PAG1: variants seen among roughly 807,000 people sequenced by gnomAD.
PAG1 encodes the protein phosphoprotein membrane anchor with glycosphingolipid microdomains 1.
PAG1 carries 23 observed loss-of-function variants against 31.7 expected under a neutral mutation model. The observed-to-expected ratio is 0.73, with a 90% CI of 0.52 to 1.03. The LOEUF is 1.03. PAG1 is among the 50% of genes least tolerant of loss of function. PAG1 has a pLI of 0.00. For synonymous variants in PAG1, 214 were observed against 210.3 expected, an observed-to-expected ratio of 1.02 and a Z score of -0.15; for missense variants, 473 against 540.7, an observed-to-expected ratio of 0.87 and a Z score of 1.24.
At position 80,968,018 on chromosome 8, in the gene PAG1, C is replaced by T. The variant is rs886468660; in HGVS notation, c.*8526G>A. The stretch of plus-strand genomic sequence containing the variant: ...TTGAAATACTACTGGCAGAAACATA[C>T]GAAAACAAATACCCATTTCAGTTCC... On this transcript the variant is annotated 3_prime_UTR_variant, in exon 9 of 9. Coordinates refer to ENST00000220597, the MANE Select transcript of PAG1 (RefSeq NM_018440.4). The T allele has an allele frequency of 6.6e-6, 1 of 152,116 alleles. No individual in the cohort carries two copies. Among genetic ancestry groups the T allele is most frequent in the Non-Finnish European group, 1.5e-5 (1 of 68,014 alleles). 9.4% of individuals were successfully genotyped at this position (152,116 alleles called of 1,614,324 possible).
chr8:81,085,858 T>C (rs1237556198), intron 1 of PAG1, among the ~76,000 whole-genome samples: 1 of 152,218 alleles, frequency 6.6e-6, no homozygotes, highest in East Asian at 1.9e-4. Flanking sequence ...TTGAAGTCTT[T>C]GAATGCTTAA....
intron 2 of PAG1, chr8:81,039,520 G>C (rs1463633794): frequency 6.6e-6 from 1 of 152,230 alleles, no homozygotes; most frequent in Non-Finnish European, 1.5e-5. Flanking sequence ...CCGACGCTGG[G>C]ATCTCAGACT....
At chr8:80,979,363 G>A (rs542035811) in intron 8 of PAG1, among the ~76,000 whole-genome samples, 10 of 152,284 alleles carry the variant, frequency 6.6e-5, no homozygotes, top group Non-Finnish European at 1.5e-4. Context: ...AGGGAGGGGC[G>A]GCCGCAGTGG....
rs374578365 is a variant in PAG1 at position 81,009,508 on chromosome 8, G to T, written c.-80-16201C>A. Among the ~76,000 whole-genome samples the T allele has an allele frequency of 5.9e-5, 9 of 152,328 alleles. 1 individual carries two copies. The East Asian group carries it at 1.3e-3, about 23-fold the overall frequency. On this transcript the variant is annotated intron_variant, in intron 3 of 8. Transcript: ENST00000220597. ...AAAAATAATGAAGTATTACCCAGAT[G>T]ATAAGATATGAGATATAGAGACTAA...
At chr8:81,102,771 A>G (rs1297804365) in intron 1 of PAG1, among the ~76,000 whole-genome samples, 1 of 152,194 alleles carries the variant, frequency 6.6e-6, no homozygotes, top group Non-Finnish European at 1.5e-5. Context: ...ATCCTACATC[A>G]TTTTACATTG....
chr8:81,021,651 G>A (rs571845182), intron 3 of PAG1, among the ~76,000 whole-genome samples: 4 of 151,448 alleles, frequency 2.6e-5, no homozygotes, highest in South Asian at 2.1e-4. Context: ...CAATTCTCAC[G>A]TTCTCTAATG....
At chr8:80,989,139 T>C (rs528860121) in intron 5 of PAG1, among the ~76,000 whole-genome samples, 3 of 152,328 alleles carry the variant, frequency 2.0e-5, no homozygotes, top group Non-Finnish European at 2.9e-5. Flanking sequence ...AGATAGTTCA[T>C]GCTGTGCAAT....
intron 3 of PAG1, among the ~76,000 whole-genome samples, chr8:81,011,433 C>T (rs1452548120): frequency 6.6e-6 from 1 of 152,186 alleles, no homozygotes; most frequent in African/African-American, 2.4e-5. Context: ...GTAAGACATA[C>T]CTTTCACCTT....
chr8:81,077,216 A>G (rs557151631), intron 1 of PAG1, among the ~76,000 whole-genome samples: 2 of 152,342 alleles, frequency 1.3e-5, no homozygotes, highest in East Asian at 1.9e-4. Context: ...GATGTACATT[A>G]AAGTCTAAGA....
chr8:81,093,019 G>A (rs559774196), intron 1 of PAG1, among the ~76,000 whole-genome samples: 1 of 152,240 alleles, frequency 6.6e-6, no homozygotes, highest in South Asian at 2.1e-4. Flanking sequence ...CTTAATGTAC[G>A]ATACATATTA....
intron 1 of PAG1, among the ~76,000 whole-genome samples, chr8:81,099,450 C>T (rs1463849589): frequency 1.3e-5 from 2 of 152,152 alleles, no homozygotes; most frequent in Non-Finnish European, 2.9e-5. Flanking sequence ...TACTTCTTTG[C>T]TGCATGTTTC....
At chr8:81,102,078 A>C (rs900031097) in intron 1 of PAG1, among the ~76,000 whole-genome samples, 1 of 152,142 alleles carries the variant, frequency 6.6e-6, no homozygotes, top group Non-Finnish European at 1.5e-5. Context: ...TGAAATTGGG[A>C]TACATGAGGC....
chr8:81,075,799 G>A (rs954757751), intron 1 of PAG1, among the ~76,000 whole-genome samples: 5 of 152,128 alleles, frequency 3.3e-5, no homozygotes, highest in Admixed American at 1.3e-4. Flanking sequence ...AGCTCCCTCC[G>A]CTTTCCCGCA....
intron 7 of PAG1, 92 bp from the exon 8 acceptor site, chr8:80,980,586 C>T (rs557710900): frequency 3.5e-5 from 28 of 803,064 alleles, no homozygotes; most frequent in Non-Finnish European, 5.2e-5. Context: ...TGTCTAGCAA[C>T]GTTTTCAAAT....
intron 2 of PAG1, among the ~76,000 whole-genome samples, chr8:81,055,359 T>A (rs1216728202): frequency 6.6e-6 from 1 of 152,170 alleles, no homozygotes; most frequent in African/African-American, 2.4e-5. Context: ...GAGAATTCAG[T>A]TTGGTAAATG....
chr8:81,036,386 T>C (rs892518040), intron 2 of PAG1, among the ~76,000 whole-genome samples: 3 of 151,726 alleles, frequency 2.0e-5, no homozygotes, highest in African/African-American at 7.3e-5. Context: ...ATACTTTTGG[T>C]AGAAAAAAAA....
At chr8:81,068,219 C>T (rs1299129572) in intron 2 of PAG1, among the ~76,000 whole-genome samples, 2 of 152,156 alleles carry the variant, frequency 1.3e-5, no homozygotes, top group Non-Finnish European at 2.9e-5. Context: ...TTTCTAATAA[C>T]TGGAAAGAAC....
intron 2 of PAG1, among the ~76,000 whole-genome samples, chr8:81,059,761 C>T (rs1459060025): frequency 6.6e-6 from 1 of 152,152 alleles, no homozygotes; most frequent in Admixed American, 6.5e-5. Context: ...TGTTGTGGCT[C>T]ATGCCTGTAA....
At chr8:81,005,644 T>C (rs1012093254) in intron 3 of PAG1, among the ~76,000 whole-genome samples, 4 of 152,174 alleles carry the variant, frequency 2.6e-5, no homozygotes, top group Non-Finnish European at 5.9e-5. Context: ...TCTGAGCAAG[T>C]GCGTGTTCTG....
Sources: allele counts gnomAD v4.1 joint callset (sites outside exome capture counted in the v4.1 genomes callset), GRCh38; gene constraint gnomAD v4.1.1; transcripts MANE v1.5; gene names NCBI Gene and HGNC (gene_info 2026-07-23, HGNC 2026-07-21).